RUVBL2: variants seen among roughly 807,000 people sequenced by gnomAD.
RUVBL2 encodes RuvB like AAA ATPase 2.
A neutral mutation model predicts 57.9 loss-of-function variants in RUVBL2; 9 were observed. That is an observed-to-expected ratio of 0.16 (90% confidence interval 0.09 to 0.27). RUVBL2 has a LOEUF of 0.27. RUVBL2 is among the 10% of genes least tolerant of loss of function. The pLI, the probability that RUVBL2 is intolerant of heterozygous loss-of-function variation, is 1.00. For synonymous variants in RUVBL2, 278 were observed against 264.6 expected (o/e 1.05, Z -0.49); for missense variants, 456 against 669.6 (o/e 0.68, Z 3.52).
intron 13 of RUVBL2, 97 bp downstream of exon 13, chr19:49,015,247 C>A: frequency 6.7e-7 from 1 of 1,482,096 alleles, no homozygotes; most frequent in Non-Finnish European, 9.1e-7. Flanking sequence ...CTAGAATGTA[C>A]GTTTTCAGAC....
At chr19:49,003,580 T>A (rs2039225310) in intron 3 of RUVBL2, among the ~76,000 whole-genome samples, 1 of 151,794 alleles carries the variant, frequency 6.6e-6, no homozygotes, top group East Asian at 1.9e-4. Flanking sequence ...GAAGTCAGAG[T>A]CAAGACCAGC....
chr19:49,015,489 A>G, intron 13 of RUVBL2, 83 bp from the exon 14 acceptor site: 6 of 1,072,256 alleles, frequency 5.6e-6, no homozygotes, highest in South Asian at 1.3e-5. Flanking sequence ...TGCTGCCTAG[A>G]GCATGGAGGT....
intron 3 of RUVBL2, among the ~76,000 whole-genome samples, chr19:49,003,861 T>C (rs2039230610): frequency 6.6e-6 from 1 of 151,524 alleles, no homozygotes; most frequent in Non-Finnish European, 1.5e-5. Context: ...ACACTTGTAA[T>C]CCCAATACTT....
In RUVBL2 at chr19:49,009,771, C is replaced by T. The variant is rs201882364; in HGVS notation, c.463-5C>T. On this transcript the variant is annotated splice_region_variant and splice_polypyrimidine_tract_variant and intron_variant, in intron 6 of 14. Coordinates refer to ENST00000595090, the MANE Select transcript of RUVBL2 (RefSeq NM_006666.3). Reference sequence around the variant, plus strand: ...GCCCCATCCCTGGCTTGTCCCCACTCTCAGGGCTCCAAGGTGGGCAAACTG... The same window carrying T: ...GCCCCATCCCTGGCTTGTCCCCACTTTCAGGGCTCCAAGGTGGGCAAACTG... 18 of 1,613,288 alleles carry T rather than the reference C, an allele frequency of 1.1e-5. No individual in the cohort carries two copies. The highest frequency in any genetic ancestry group is 1.6e-4 in the Middle Eastern group (1 of 6,084).
intron 9 of RUVBL2, 24 bp downstream of exon 9, chr19:49,010,635 T>C (rs2039399667): frequency 6.2e-7 from 1 of 1,611,946 alleles, no homozygotes; most frequent in Admixed American, 1.7e-5. Flanking sequence ...TGCCCTGCCC[T>C]GCCCTGCCCT....
At chr19:48,993,508 A>G, upstream of RUVBL2, 1 of 426,284 alleles carries the variant, frequency 2.3e-6, no homozygotes. Flanking sequence ...GCTGCGCTTT[A>G]CGGAAACGAG....
chr19:49,013,713 G>A (rs1035141581), intron 11 of RUVBL2, among the ~76,000 whole-genome samples: 1 of 152,200 alleles, frequency 6.6e-6, no homozygotes, highest in Non-Finnish European at 1.5e-5. Flanking sequence ...AAGAGAATGA[G>A]ACCGTCCCGG....
At position 49,005,946 on chromosome 19, in the gene RUVBL2, G is replaced by T. The variant is rs142851554; in HGVS notation, c.266-1072G>T. 4.4e-3 allele frequency among the ~76,000 whole-genome samples: 673 copies of T among 152,326 alleles called. 2 individuals carry two copies. The highest frequency in any genetic ancestry group is 0.015 in the African/African-American group (631 of 41,576). On this transcript the variant is annotated intron_variant, in intron 4 of 14. Transcript: ENST00000595090. ...GGAGCCTGTAGACTTTATTTTTTAG[G>T]CATGTTGTGACTGTGCCCGGCCTCG...
chr19:48,997,087 C>T (rs2039077276), intron 1 of RUVBL2, among the ~76,000 whole-genome samples: 1 of 152,050 alleles, frequency 6.6e-6, no homozygotes, highest in Non-Finnish European at 1.5e-5. Flanking sequence ...GCCATTTCCA[C>T]AGTCAATTTT....
rs534811861 is a variant in RUVBL2 at position 48,996,967 on chromosome 19, G to GT, written c.13-2340dup. 2.9e-3 allele frequency among the ~76,000 whole-genome samples: 426 copies of GT among 144,588 alleles called. 1 individual carries two copies. Among genetic ancestry groups the GT allele is most frequent in the Middle Eastern group, 7.2e-3 (2 of 276 alleles). 94.9% of individuals were successfully genotyped at this position (144,588 alleles called of 152,430 possible). A position where few individuals can be genotyped will look rare whatever the true frequency, so the allele number is the denominator to read the frequency against. On this transcript the variant is annotated intron_variant, in intron 1 of 14. Coordinates refer to ENST00000595090, the MANE Select transcript of RUVBL2 (RefSeq NM_006666.3). ...TGGGAGCCACTACGCCCAGCCTGTTGTTTTTTTTTTTTCTTAATAGCTTTA... is the reference window on the plus strand; with the variant it reads ...TGGGAGCCACTACGCCCAGCCTGTTGTTTTTTTTTTTTTCTTAATAGCTTTA...
chr19:49,012,687 C>T (rs1207244104), intron 11 of RUVBL2, among the ~76,000 whole-genome samples: 3 of 152,254 alleles, frequency 2.0e-5, no homozygotes, highest in East Asian at 1.9e-4. Context: ...GGCAACACTG[C>T]CTGCTCCCTT....
At chr19:49,010,706 C>T in intron 9 of RUVBL2, 95 bp downstream of exon 9, 2 of 1,534,300 alleles carry the variant, frequency 1.3e-6, no homozygotes, top group Non-Finnish European at 1.8e-6. Context: ...GTGTGGCCCA[C>T]CTGCTCCACG....
intron 4 of RUVBL2, among the ~76,000 whole-genome samples, chr19:49,006,498 G>A (rs191299968): frequency 6.1e-4 from 93 of 152,332 alleles, no homozygotes; most frequent in Admixed American, 5.6e-3. Flanking sequence ...ATGCTGGCAC[G>A]TGTTCTGTTA....
rs533205646 is a variant in RUVBL2 at position 48,996,150 on chromosome 19, C to CA, written c.12+2238dup. Among the ~76,000 whole-genome samples the CA allele has an allele frequency of 5.9e-3, 827 of 140,626 alleles. 4 individuals are homozygous for CA. Among genetic ancestry groups the CA allele is most frequent in the South Asian group, 0.035 (155 of 4,444 alleles). 92.3% of individuals were successfully genotyped at this position (140,626 alleles called of 152,430 possible). ...TGGGGGACAAAATGAGATCTTATCT[C>CA]AAAAAAAAAAACACAAACCTGTGGG... On this transcript the variant is annotated intron_variant, in intron 1 of 14. Transcript: ENST00000595090.
chr19:49,010,467 T>TCGCCCC, intron 8 of RUVBL2, 21 bp from the exon 9 acceptor site: 2 of 1,401,208 alleles, frequency 1.4e-6, no homozygotes, highest in African/African-American at 1.5e-5. Flanking sequence ...CCGCCGTTCT[T>TCGCCCC]CCCCCACCCC....
intron 12 of RUVBL2, 34 bp from the exon 13 acceptor site, chr19:49,014,987 C>T (rs535180365): frequency 3.8e-6 from 6 of 1,571,066 alleles, no homozygotes; most frequent in African/African-American, 1.4e-5. Flanking sequence ...GGCTGGGCCC[C>T]GGCTGAGCCA....
intron 7 of RUVBL2, 43 bp from the exon 8 acceptor site, chr19:49,009,930 T>A (rs368210481): frequency 6.2e-7 from 1 of 1,611,706 alleles, no homozygotes; most frequent in African/African-American, 1.3e-5. Flanking sequence ...TGGGCGAGCT[T>A]GGGCCCATTC....
intron 14 of RUVBL2, 64 bp downstream of exon 14, chr19:49,015,750 C>T (rs1321758969): frequency 5.0e-6 from 8 of 1,611,384 alleles, no homozygotes; most frequent in African/African-American, 4.0e-5. Flanking sequence ...AGAGGGAGCT[C>T]GGCGTAGAAG....
intron 6 of RUVBL2, 41 bp downstream of exon 6, chr19:49,007,409 A>AACCCTG: frequency 6.3e-7 from 1 of 1,583,362 alleles, no homozygotes; most frequent in Non-Finnish European, 8.6e-7. Flanking sequence ...GGCCACCTCC[A>AACCCTG]GCGCCAGGGT....
Sources: allele counts gnomAD v4.1 joint callset (sites outside exome capture counted in the v4.1 genomes callset), GRCh38; gene constraint gnomAD v4.1.1; transcripts MANE v1.5; gene names NCBI Gene and HGNC (gene_info 2026-07-23, HGNC 2026-07-21).